Variants in ZNF804B observed in about 807,000 individuals in gnomAD.
The protein encoded by ZNF804B is zinc finger 804B.
Under a neutral mutation model 101.4 loss-of-function variants are expected in ZNF804B, and 80 were observed. That is an observed-to-expected ratio of 0.79 (90% CI 0.66 to 0.95). The LOEUF is 0.95. Among genes scored for constraint, ZNF804B ranks in the 40% least tolerant of loss-of-function variants. The pLI, the probability that ZNF804B is intolerant of heterozygous loss-of-function variation, is 0.00. For missense variants in ZNF804B, 1,673 were observed against 1,561.9 expected, an observed-to-expected ratio of 1.07 and a Z score of -1.20; for synonymous variants, 622 against 558.8, an observed-to-expected ratio of 1.11 and a Z score of -1.59.
At chr7:88,917,213 CG>C (rs1321492278) in intron 1 of ZNF804B, among the ~76,000 whole-genome samples, 1 of 151,700 alleles carries the variant, frequency 6.6e-6, no homozygotes, top group Non-Finnish European at 1.5e-5. Context: ...TGCAGTGAGC[CG>C]AGATCGCACC....
chr7:89,209,508 T>C (rs1246319874), intron 1 of ZNF804B, among the ~76,000 whole-genome samples: 1 of 152,230 alleles, frequency 6.6e-6, no homozygotes, highest in Non-Finnish European at 1.5e-5. Flanking sequence ...GTTCTGATTA[T>C]GGATTTGTGT....
chr7:89,296,823 G>T (rs1159592557), intron 2 of ZNF804B, among the ~76,000 whole-genome samples: 2 of 152,038 alleles, frequency 1.3e-5, no homozygotes, highest in Non-Finnish European at 2.9e-5. Flanking sequence ...AACACTTTCT[G>T]ATAGCTTTCT....
rs1791111749 is a variant in ZNF804B at position 89,337,229 on chromosome 7, AG to A, written c.*199del. Among the ~76,000 whole-genome samples the A allele has an allele frequency of 6.6e-6, 1 of 152,212 alleles. No homozygotes were observed. The highest frequency in any genetic ancestry group is 1.5e-5 in the Non-Finnish European group (1 of 68,022). On this transcript the variant is annotated 3_prime_UTR_variant, in exon 4 of 4. Transcript: ENST00000333190. ...TAATTTTTTAGCTTGCCAAAATAAT[AG>A]GCAAATTTGAATAATTTTATGAAAG...
At chr7:89,017,999 C>T (rs1055544151) in intron 1 of ZNF804B, among the ~76,000 whole-genome samples, 1 of 151,970 alleles carries the variant, frequency 6.6e-6, no homozygotes, top group Non-Finnish European at 1.5e-5. Context: ...AGTTGGGATG[C>T]CCTTTATTTT....
intron 1 of ZNF804B, among the ~76,000 whole-genome samples, chr7:89,177,957 C>A (rs1584034810): frequency 6.6e-6 from 1 of 151,596 alleles, no homozygotes; most frequent in South Asian, 2.1e-4. Flanking sequence ...GAACAAAAAA[C>A]AAATATTTGC....
chr7:88,997,212 G>C (rs1305995477), intron 1 of ZNF804B, among the ~76,000 whole-genome samples: 1 of 152,042 alleles, frequency 6.6e-6, no homozygotes, highest in South Asian at 2.1e-4. Context: ...CAGTCATTAA[G>C]TTAACATCTT....
intron 1 of ZNF804B, among the ~76,000 whole-genome samples, chr7:89,071,062 T>A (rs1022478287): frequency 6.6e-6 from 1 of 152,146 alleles, no homozygotes; most frequent in African/African-American, 2.4e-5. Context: ...ATTTAAATCA[T>A]CCCTAAATTA....
At chr7:89,033,698 A>G (rs1266636187) in intron 1 of ZNF804B, among the ~76,000 whole-genome samples, 2 of 152,158 alleles carry the variant, frequency 1.3e-5, no homozygotes, top group Non-Finnish European at 2.9e-5. Flanking sequence ...CAACAAAGGA[A>G]AAGAATACCT....
At chr7:88,872,462 G>T (rs7784831) in intron 1 of ZNF804B, among the ~76,000 whole-genome samples, 66,821 of 151,814 alleles carry the variant, frequency 0.44, 16,066 homozygotes, top group African/African-American at 0.63. Context: ...TTTTCTTTAT[G>T]TTTTATTTTA....
intron 1 of ZNF804B, among the ~76,000 whole-genome samples, chr7:88,872,640 A>C (rs1190695905): frequency 2.7e-5 from 4 of 150,806 alleles, no homozygotes; most frequent in Non-Finnish European, 5.9e-5. Flanking sequence ...CCACAACAGT[A>C]CCCAGAGTGT....
intron 1 of ZNF804B, among the ~76,000 whole-genome samples, chr7:89,046,236 T>C (rs1789103862): frequency 6.6e-6 from 1 of 152,056 alleles, no homozygotes; most frequent in African/African-American, 2.4e-5. Flanking sequence ...GAAGTGTGGG[T>C]AAGTTAATCC....
At chr7:89,263,052 G>A (rs555759104) in intron 2 of ZNF804B, among the ~76,000 whole-genome samples, 9 of 152,202 alleles carry the variant, frequency 5.9e-5, no homozygotes, top group South Asian at 4.1e-4. Context: ...TGGATACTTC[G>A]TTAGTGACTG....
intron 1 of ZNF804B, among the ~76,000 whole-genome samples, chr7:88,877,007 A>AATATATATATATATATATAATATAT (rs1562820297): frequency 3.9e-4 from 29 of 75,184 alleles, no homozygotes; most frequent in Non-Finnish European, 5.8e-4. Flanking sequence ...TGAAAAAAAA[A>AATATATATATATATATATAATATAT]ATATATATAT....
intron 1 of ZNF804B, among the ~76,000 whole-genome samples, chr7:88,998,169 A>G (rs567509131): frequency 6.6e-5 from 10 of 151,850 alleles, no homozygotes; most frequent in Admixed American, 1.3e-4. Context: ...TTAGAACTAC[A>G]TTTTCCTCTG....
intron 1 of ZNF804B, among the ~76,000 whole-genome samples, chr7:89,118,556 G>T (rs6942776): frequency 0.094 from 14,261 of 151,756 alleles, 1,427 homozygotes; most frequent in African/African-American, 0.26. Context: ...TTGCAATGTG[G>T]TATAATGAGT....
At position 89,229,072 on chromosome 7, in the gene ZNF804B, G is replaced by C. The variant is rs186129117; in HGVS notation, c.249+10777G>C. On this transcript the variant is annotated intron_variant, in intron 2 of 3. Coordinates refer to ENST00000333190, the MANE Select transcript of ZNF804B (RefSeq NM_181646.5). ...ACCTGGAACTCGCGCTGGCACGCAAGCACCACGCACAGACCCGGTTCCCGC... is the reference window on the plus strand; with the variant it reads ...ACCTGGAACTCGCGCTGGCACGCAACCACCACGCACAGACCCGGTTCCCGC... Among the ~76,000 whole-genome samples the C allele has an allele frequency of 8.3e-4, 127 of 152,324 alleles. 1 individual carries two copies. The highest frequency in any genetic ancestry group is 6.8e-3 in the Middle Eastern group (2 of 294).
intron 2 of ZNF804B, among the ~76,000 whole-genome samples, chr7:89,285,984 A>G (rs148093929): frequency 7.9e-5 from 12 of 152,244 alleles, no homozygotes; most frequent in South Asian, 4.1e-4. Flanking sequence ...TGATGATCCA[A>G]TTCCACTTAA....
At chr7:88,951,008 A>G (rs1258391492) in intron 1 of ZNF804B, among the ~76,000 whole-genome samples, 3 of 151,818 alleles carry the variant, frequency 2.0e-5, no homozygotes, top group Admixed American at 6.6e-5. Context: ...ATTAGGACAG[A>G]GTTGTTTTAT....
intron 1 of ZNF804B, among the ~76,000 whole-genome samples, chr7:88,889,558 T>C (rs1792186342): frequency 6.6e-6 from 1 of 152,222 alleles, no homozygotes; most frequent in Non-Finnish European, 1.5e-5. Context: ...TTTTTTCATG[T>C]TTGTGATGTT....
Sources: allele counts gnomAD v4.1 joint callset (sites outside exome capture counted in the v4.1 genomes callset), GRCh38; gene constraint gnomAD v4.1.1; transcripts MANE v1.5; gene names NCBI Gene and HGNC (gene_info 2026-07-23, HGNC 2026-07-21).